CEP152: variants seen among roughly 807,000 people sequenced by gnomAD.
CEP152 encodes centrosomal protein of 152 kDa.
Under a neutral mutation model 188.9 loss-of-function variants are expected in CEP152, and 132 were observed. The observed-to-expected ratio is 0.70, with a 90% CI of 0.61 to 0.81. The LOEUF is 0.81. Among genes scored for constraint, CEP152 ranks in the 30% least tolerant of loss-of-function variants. CEP152 has a pLI of 0.00. For missense variants in CEP152, 1,914 were observed against 1,969.8 expected (o/e 0.97, Z 0.54); for synonymous variants, 649 against 666.6 (o/e 0.97, Z 0.41).
At chr15:48,788,669 C>T (rs1023826745) in intron 9 of CEP152, 132 bp downstream of exon 9, 5 of 936,480 alleles carry the variant, frequency 5.3e-6, no homozygotes, top group African/African-American at 1.6e-5. Context: ...TTAAGTTTCA[C>T]TCACCTCACA....
chr15:48,730,532 G>A (rs1892387665), intron 2 of CEP152, among the ~76,000 whole-genome samples: 1 of 152,128 alleles, frequency 6.6e-6, no homozygotes, highest in African/African-American at 2.4e-5. Context: ...GAACTAATGA[G>A]GATGTGCACA....
At chr15:48,785,876 A>G (rs1896590660) in intron 9 of CEP152, among the ~76,000 whole-genome samples, 1 of 150,576 alleles carries the variant, frequency 6.6e-6, no homozygotes, top group Non-Finnish European at 1.5e-5. Context: ...GCTGAACTCC[A>G]GCCTGGGCAA....
intron 6 of CEP152, 66 bp downstream of exon 6, chr15:48,795,944 T>G: frequency 7.3e-7 from 1 of 1,372,016 alleles, no homozygotes; most frequent in Non-Finnish European, 1.0e-6. Context: ...TGCTCAAATA[T>G]TCATTGTGTA....
chr15:48,772,734 A>T, intron 12 of CEP152, 43 bp from the exon 13 acceptor site: 1 of 1,541,364 alleles, frequency 6.5e-7, no homozygotes, highest in Non-Finnish European at 9.0e-7. Context: ...TCAAGTAATA[A>T]ATCAGACATG....
At position 48,748,523 on chromosome 15, in the gene CEP152, A is replaced by C. The variant is rs1227861178; in HGVS notation, c.3554T>G (p.Leu1185Arg). ...LEKAKQECQD[L>R]KGKLEKCCRH... Reference sequence around the variant, plus strand: ...ACAGCATTTCTCCAGTTTTCCTTTCAGATCTTGACATTCCTGCTTTGCCTT... The same window carrying C: ...ACAGCATTTCTCCAGTTTTCCTTTCCGATCTTGACATTCCTGCTTTGCCTT... Residue 1185 changes from leucine (L) to arginine (R), a missense_variant, in exon 22 of 27, where the codon CTG (leucine) becomes CGG (arginine). Physicochemically the swap from Leu to Arg is moderately radical, Grantham distance 102 (BLOSUM62 -2). Transcript: ENST00000380950. 6.5e-7 allele frequency: 1 copy of C among 1,535,072 alleles called. No individual in the cohort carries two copies. Among genetic ancestry groups the C allele is most frequent in the Non-Finnish European group, 8.7e-7 (1 of 1,146,398 alleles).
chr15:48,753,195 T>C (rs1047525373), intron 20 of CEP152, among the ~76,000 whole-genome samples: 3 of 152,184 alleles, frequency 2.0e-5, no homozygotes, highest in South Asian at 2.1e-4. Flanking sequence ...CTGAAGGGCA[T>C]TGGCGCGATC....
In CEP152 at chr15:48,797,639, C is replaced by T. The variant is rs768193489; in HGVS notation, c.261+22G>A. Reference sequence around the variant, plus strand: ...GATCCAGTCCCACCCTCACCAAAGTCATCATCACACCAGATACTTACATTT... The same window carrying T: ...GATCCAGTCCCACCCTCACCAAAGTTATCATCACACCAGATACTTACATTT... On this transcript the variant is annotated intron_variant, in intron 4 of 26. Transcript: ENST00000380950. 7 of 1,614,094 alleles carry T rather than the reference C, an allele frequency of 4.3e-6. No homozygotes were observed. In the East Asian group the frequency reaches 1.6e-4, roughly 36 times the overall value.
chr15:48,789,997 G>T (rs1189305209), intron 8 of CEP152, among the ~76,000 whole-genome samples: 1 of 152,184 alleles, frequency 6.6e-6, no homozygotes, highest in African/African-American at 2.4e-5. Context: ...ACATAAAAAA[G>T]ATTACAAAGT....
At position 48,741,996 on chromosome 15, in the gene CEP152, A is replaced by G. The variant is rs1893010017; in HGVS notation, c.3940T>C (p.Tyr1314His). Residue 1314 changes from tyrosine to histidine, a missense_variant, in exon 25 of 27, where the codon TAT (tyrosine) becomes CAT (histidine). Transcript: ENST00000380950. The stretch of plus-strand genomic sequence containing the variant: ...ATCTGTTGGAGGCAAATCAAATAAT[A>G]TTTGCGCATCTTTCGGGCGGTTTCT... ...RQETARKMRK[Y>H]YLICLQQILQ... 2 of 1,613,922 alleles carry G rather than the reference A, an allele frequency of 1.2e-6. No individual in the cohort carries two copies. The highest frequency in any genetic ancestry group is 1.7e-6 in the Non-Finnish European group (2 of 1,180,010).
intron 26 of CEP152, among the ~76,000 whole-genome samples, chr15:48,739,751 C>G (rs1030902116): frequency 6.6e-6 from 1 of 152,166 alleles, no homozygotes; most frequent in South Asian, 2.1e-4. Context: ...ACCTAAGACA[C>G]TAAATCTGAT....
At chr15:48,803,972 C>T (rs1897825784) in intron 2 of CEP152, among the ~76,000 whole-genome samples, 2 of 152,216 alleles carry the variant, frequency 1.3e-5, no homozygotes, top group African/African-American at 4.8e-5. Context: ...ATCCTTGCCA[C>T]AATTGTTGTG....
intron 10 of CEP152, chr15:48,783,419 C>A (rs995163354): frequency 7.2e-5 from 11 of 151,982 alleles, no homozygotes; most frequent in Admixed American, 7.2e-4. Flanking sequence ...AGAAGTTATA[C>A]AAAGGATAGA....
At chr15:48,743,548 C>T (rs929291051) in intron 24 of CEP152, among the ~76,000 whole-genome samples, 5 of 152,240 alleles carry the variant, frequency 3.3e-5, no homozygotes, top group African/African-American at 1.2e-4. Flanking sequence ...TAACTAGATC[C>T]ACTTCTACAG....
intron 9 of CEP152, among the ~76,000 whole-genome samples, chr15:48,788,288 C>A (rs1896786415): frequency 6.6e-6 from 1 of 150,384 alleles, no homozygotes; most frequent in African/African-American, 2.4e-5. Context: ...AAAAGTATAC[C>A]TTTAGGATGT....
Position 48,761,706 on chromosome 15 carries a change from C to A in CEP152, c.2562+685G>T, listed in dbSNP as rs995910559. Among the ~76,000 whole-genome samples, 15 of 152,156 alleles carry A rather than the reference C, an allele frequency of 9.9e-5. No homozygotes were observed. The South Asian group carries it at 3.1e-3, about 32-fold the overall frequency. ...CACAAACAGAAGCTCTTTAGAGTCC[C>A]CAATTTTTAAAATTGTAAAGGAGTC... On this transcript the variant is annotated intron_variant, in intron 18 of 26. Transcript: ENST00000380950.
intron 13 of CEP152, among the ~76,000 whole-genome samples, chr15:48,771,149 G>A (rs1222276265): frequency 6.6e-6 from 1 of 152,074 alleles, no homozygotes; most frequent in South Asian, 2.1e-4. Flanking sequence ...GTAAAAAAAA[G>A]GATCTATAAA....
chr15:48,797,753 G>C (rs746494585), intron 3 of CEP152, 23 bp from the exon 4 acceptor site: 1 of 1,610,704 alleles, frequency 6.2e-7, no homozygotes, highest in South Asian at 1.1e-5. Flanking sequence ...GAATACTTTC[G>C]ATTTAAAGCG....
chr15:48,741,672 T>G lies in CEP152; in HGVS notation c.4022A>C (p.Lys1341Thr), dbSNP rs201307007. 61 of 1,614,056 alleles carry G rather than the reference T, an allele frequency of 3.8e-5. No individual in the cohort carries two copies. Among genetic ancestry groups the G allele is most frequent in the Non-Finnish European group, 4.9e-5 (58 of 1,180,026 alleles). ...CAGTAATTTTGCCATTGTAGCAAGT[T>G]TGCTAGCAGCATTCATAATCTTTTT... ...AEKKIMNAAS[K>T]LATMAKLLET... The change falls in exon 26 of 27, where the codon AAA becomes ACA. Residue 1341 changes from lysine (K) to threonine (T), a missense_variant. Physicochemically the swap from Lys to Thr is moderately conservative, Grantham distance 78. Coordinates refer to ENST00000380950, the MANE Select transcript of CEP152 (RefSeq NM_001194998.2).
intron 21 of CEP152, among the ~76,000 whole-genome samples, chr15:48,748,900 A>G (rs1366550071): frequency 6.6e-6 from 1 of 152,090 alleles, no homozygotes; most frequent in Non-Finnish European, 1.5e-5. Flanking sequence ...CTTGGTATTG[A>G]ATACCATTCC....
Sources: gnomAD v4.1 joint callset for allele counts (sites outside exome capture counted in the v4.1 genomes callset) on GRCh38, gnomAD v4.1.1 for gene constraint, MANE v1.5 for transcripts, NCBI Gene and HGNC (gene_info 2026-07-23, HGNC 2026-07-21) for gene names.